The following SCFD1 variants were observed in gnomAD, a reference collection of about 807,000 sequenced individuals.
SCFD1 encodes the protein sec1 family domain containing 1.
A neutral mutation model predicts 103.2 loss-of-function variants in SCFD1; 37 were observed. The ratio of observed to expected loss-of-function variants is 0.36; its 90% CI spans 0.28 to 0.47. The LOEUF (loss-of-function observed/expected upper bound fraction) is 0.47, where lower values mean the gene tolerates loss of function less well. Ranked by LOEUF, SCFD1 falls within the 20% of genes least tolerant of loss-of-function variation. The pLI is 1.00. For synonymous variants in SCFD1, 264 were observed against 245.0 expected (o/e 1.08, Z -0.73); for missense variants, 639 against 761.2 (o/e 0.84, Z 1.89).
chr14:30,663,706 C>G (rs924832749), intron 10 of SCFD1, among the ~76,000 whole-genome samples: 1 of 152,200 alleles, frequency 6.6e-6, no homozygotes, highest in African/African-American at 2.4e-5. Context: ...TCCACTCACT[C>G]TGTTCTCACT....
chr14:30,628,319 T>G, intron 2 of SCFD1, 40 bp downstream of exon 2: 1 of 1,356,212 alleles, frequency 7.4e-7, no homozygotes, highest in Non-Finnish European at 1.0e-6. Context: ...TCTGTTTTTC[T>G]CAGCCCTTAT....
At chr14:30,630,103 AT>A (rs1883949743) in intron 2 of SCFD1, among the ~76,000 whole-genome samples, 1 of 145,566 alleles carries the variant, frequency 6.9e-6, no homozygotes, top group African/African-American at 2.8e-5. Flanking sequence ...TATAGTCTCT[AT>A]TTTTTTAAAA....
chr14:30,633,969 C>T lies in SCFD1; in HGVS notation c.244C>T (p.Pro82Ser), dbSNP rs940153635. 8 of 1,600,408 alleles carry T rather than the reference C, an allele frequency of 5.0e-6. No homozygotes were observed. The highest frequency in any genetic ancestry group is 6.8e-6 in the Non-Finnish European group (8 of 1,171,274). ...TAGGCTTTTACACTCTGATCGAGAT[C>T]CTATTCCAGATGTTCCTGCAGTATA... is the stretch of plus-strand genomic sequence containing the variant. ...LHLLLHSDRD[P>S]IPDVPAVYFV... The change falls in exon 4 of 25, where the codon CCT becomes TCT. Residue 82 changes from proline (P) to serine (S), a missense_variant. Pro to Ser is a moderately conservative substitution (Grantham distance 74). Coordinates refer to ENST00000458591, the MANE Select transcript of SCFD1 (RefSeq NM_016106.4).
chr14:30,734,359 C>T, intron 23 of SCFD1: 1 of 179,788 alleles, frequency 5.6e-6, no homozygotes, highest in South Asian at 1.3e-4. Flanking sequence ...TACTGTGTTG[C>T]TCAAGTGAGA....
At chr14:30,670,801 C>G (rs998613639) in intron 11 of SCFD1, among the ~76,000 whole-genome samples, 2 of 151,914 alleles carry the variant, frequency 1.3e-5, no homozygotes, top group African/African-American at 2.4e-5. Flanking sequence ...GAGAGAGTAC[C>G]TAAGCCTAAA....
intron 6 of SCFD1, 107 bp from the exon 7 acceptor site, chr14:30,643,209 G>A (rs145157430): frequency 2.5e-5 from 20 of 814,864 alleles, no homozygotes; most frequent in African/African-American, 2.3e-4. Context: ...TTCACTTGCT[G>A]AGTTTTATTA....
chr14:30,665,169 G>C lies in SCFD1; in HGVS notation c.856-5087G>C, dbSNP rs192396917. ...AAGGTTGGGTTACCCACAGAGGGAA[G>C]CCCATCCGACTAACAGTGGATCTCT... On this transcript the variant is annotated intron_variant, in intron 10 of 24. Transcript: ENST00000458591. Among the ~76,000 whole-genome samples the C allele has an allele frequency of 9.2e-5, 14 of 152,344 alleles. No homozygotes were observed. The East Asian group carries it at 2.7e-3, about 29-fold the overall frequency.
intron 7 of SCFD1, among the ~76,000 whole-genome samples, chr14:30,649,271 G>T (rs911968099): frequency 6.6e-6 from 1 of 151,940 alleles, no homozygotes; most frequent in Non-Finnish European, 1.5e-5. Flanking sequence ...TTCACTGTTC[G>T]GGTGATGGGT....
At position 30,726,125 on chromosome 14, in the gene SCFD1, T is replaced by C. The variant is rs576425499; in HGVS notation, c.1836+3566T>C. Among the ~76,000 whole-genome samples, 27 of 152,318 alleles carry C rather than the reference T, an allele frequency of 1.8e-4. No individual in the cohort carries two copies. The East Asian group carries it at 2.3e-3, about 13-fold the overall frequency. ...CATTCTTCTTTTGGCATCTTTTACATTATATAACAGAAAAACAAGAAGATA... is the reference window on the plus strand; with the variant it reads ...CATTCTTCTTTTGGCATCTTTTACACTATATAACAGAAAAACAAGAAGATA... On this transcript the variant is annotated intron_variant, in intron 23 of 24. Transcript: ENST00000458591.
intron 20 of SCFD1, 131 bp downstream of exon 20, chr14:30,716,108 C>T (rs1892262538): frequency 4.6e-6 from 3 of 656,854 alleles, no homozygotes; most frequent in African/African-American, 1.9e-5. Flanking sequence ...AAGGAAGAGT[C>T]CATGTTCTCA....
intron 5 of SCFD1, 70 bp from the exon 6 acceptor site, chr14:30,639,707 G>T: frequency 7.0e-7 from 1 of 1,427,582 alleles, no homozygotes; most frequent in Non-Finnish European, 9.2e-7. Flanking sequence ...GTAGGTTAGA[G>T]CAAACTAAAT....
At chr14:30,657,494 A>T (rs1407086732) in intron 10 of SCFD1, among the ~76,000 whole-genome samples, 2 of 152,206 alleles carry the variant, frequency 1.3e-5, no homozygotes, top group Admixed American at 1.3e-4. Context: ...TATCCTTTTA[A>T]AAATAAAAGG....
Position 30,702,348 on chromosome 14 carries a change from A to C in SCFD1, c.1463A>C (p.Asn488Thr). The change falls in exon 17 of 25, where the codon AAT becomes ACT. Residue 488 changes from asparagine (N) to threonine (T), a missense_variant. Physicochemically the swap from Asn to Thr is moderately conservative, Grantham distance 65. Coordinates refer to ENST00000458591, the MANE Select transcript of SCFD1 (RefSeq NM_016106.4). Reference protein sequence around the residue: ...KALTDAGCNLNPLQYIKQWKA... With the variant: ...KALTDAGCNLTPLQYIKQWKA... ...TTAACTGATGCAGGATGCAACCTTAATCCTTTACAATATATCAAACAGTGG... is the reference window on the plus strand; with the variant it reads ...TTAACTGATGCAGGATGCAACCTTACTCCTTTACAATATATCAAACAGTGG... The C allele has an allele frequency of 6.3e-7, 1 of 1,593,530 alleles. No homozygotes were observed. Among genetic ancestry groups the C allele is most frequent in the Non-Finnish European group, 8.6e-7 (1 of 1,168,104 alleles).
chr14:30,698,672 C>G (rs958739550), intron 15 of SCFD1, among the ~76,000 whole-genome samples: 1 of 151,804 alleles, frequency 6.6e-6, no homozygotes, highest in Non-Finnish European at 1.5e-5. Context: ...ATCATAGTTG[C>G]GGCAGTTACG....
chr14:30,632,341 G>A (rs1252394512), intron 3 of SCFD1, among the ~76,000 whole-genome samples: 1 of 152,038 alleles, frequency 6.6e-6, no homozygotes, highest in Non-Finnish European at 1.5e-5. Flanking sequence ...GTTATAGTTT[G>A]TCAATTCCAA....
At chr14:30,715,879 A>G (rs1892246553) in intron 19 of SCFD1, 45 bp from the exon 20 acceptor site, 1 of 1,056,844 alleles carries the variant, frequency 9.5e-7, no homozygotes, top group East Asian at 2.5e-5. Context: ...ATAGAGAAGA[A>G]CTTTGGTTTA....
In SCFD1 at chr14:30,622,374, A is replaced by G; in HGVS notation, c.36A>G (p.Ala12=). ...CGGCGGCAGCGACAGCAGCAGCAGCAGCCAGTATTCGGGAAAGGCAGACAG... is the reference window on the plus strand; with the variant it reads ...CGGCGGCAGCGACAGCAGCAGCAGCGGCCAGTATTCGGGAAAGGCAGACAG... The part of the protein sequence containing the change: ...AAAAAATAAA[A]ASIRERQTVA... The change falls in exon 1 of 25, where the codon GCA becomes GCG. Residue 12 remains alanine, a synonymous_variant. Transcript: ENST00000458591. 1.3e-6 allele frequency: 2 copies of G among 1,559,376 alleles called. No homozygotes were observed. The highest frequency in any genetic ancestry group is 2.4e-5 in the East Asian group (1 of 41,596).
At chr14:30,623,716 A>C (rs1467405193) in intron 1 of SCFD1, among the ~76,000 whole-genome samples, 1 of 152,214 alleles carries the variant, frequency 6.6e-6, no homozygotes, top group Non-Finnish European at 1.5e-5. Flanking sequence ...TTAAAATCTA[A>C]TCGTTTGTAT....
At chr14:30,631,555 A>T (rs925484347) in intron 3 of SCFD1, among the ~76,000 whole-genome samples, 1 of 152,152 alleles carries the variant, frequency 6.6e-6, no homozygotes, top group African/African-American at 2.4e-5. Flanking sequence ...GGGAGTGTCT[A>T]TATTTTTTTA....
Sources: allele counts gnomAD v4.1 joint callset (sites outside exome capture counted in the v4.1 genomes callset), GRCh38; gene constraint gnomAD v4.1.1; transcripts MANE v1.5; gene names NCBI Gene and HGNC (gene_info 2026-07-23, HGNC 2026-07-21).